FERD3L: variants seen among roughly 807,000 people sequenced by gnomAD.
The protein encoded by FERD3L is Fer3 like bHLH transcription factor.
A neutral mutation model predicts 7.5 loss-of-function variants in FERD3L; 7 were observed. That is an observed-to-expected ratio of 0.94 (90% CI 0.53 to 1.76). The LOEUF (loss-of-function observed/expected upper bound fraction) is 1.76, where lower values mean the gene tolerates loss of function less well. FERD3L is among the 40% of genes most tolerant of loss of function. The pLI is 0.00. For synonymous variants in FERD3L, 122 were observed against 94.4 expected (o/e 1.29, Z -1.70); for missense variants, 264 against 220.9 (o/e 1.20, Z -1.24).
Position 19,145,284 on chromosome 7 carries a change from G to C in FERD3L, c.79C>G (p.Arg27Gly), listed in dbSNP as rs752444969. ...GGTGCGAAGTCGCAGAGGAGAGGGC[G>C]TCTCGGGGAGGCCAGGGACAGGTCT... ...VADLSLASPR[R>G]PLLCDFAPGV... is the part of the protein sequence containing the mutation. Residue 27 changes from arginine (R) to glycine (G), a missense_variant, in exon 1 of 1, where the codon CGC becomes GGC. By Grantham distance (125) the Arg-to-Gly change is moderately radical. Transcript: ENST00000275461. 1.1e-5 allele frequency: 18 copies of C among 1,613,220 alleles called. No individual in the cohort carries two copies. The highest frequency in any genetic ancestry group is 1.4e-5 in the Non-Finnish European group (17 of 1,179,978).
chr7:19,144,865 G>C lies in FERD3L; in HGVS notation c.498C>G (p.Gly166=). ...LLESCEKKES[G] ...GGGCAGACTCTCCACACCAGGCTCA[G>C]CCGCTTTCCTTCTTCTCACAGCTCT... The change falls in exon 1 of 1, where the codon GGC becomes GGG. Residue 166 remains glycine (G), a synonymous_variant. Coordinates refer to ENST00000275461, the MANE Select transcript of FERD3L (RefSeq NM_152898.2). 6.2e-7 allele frequency: 1 copy of C among 1,613,646 alleles called. No individual in the cohort carries two copies. Among genetic ancestry groups the C allele is most frequent in the Non-Finnish European group, 8.5e-7 (1 of 1,179,594 alleles).
chr7:19,145,002 A>AG lies in FERD3L; in HGVS notation c.360dup (p.Phe121LeufsTer2), dbSNP rs778056019. 3.7e-6 allele frequency: 6 copies of AG among 1,614,206 alleles called. No individual in the cohort carries two copies. Among genetic ancestry groups the AG allele is most frequent in the Non-Finnish European group, 5.1e-6 (6 of 1,180,036 alleles). The stretch of plus-strand genomic sequence containing the variant: ...GGCACCTTCCTCCGCAGCTGGTCAA[A>AG]GGCCTCGTTGAGGTTGAACATCCGC... On this transcript the variant is annotated frameshift_variant, in exon 1 of 1. Transcript: ENST00000275461. LOFTEE classifies it high-confidence loss of function.
In FERD3L at chr7:19,145,082, C is replaced by G. The variant is rs759433149; in HGVS notation, c.281G>C (p.Arg94Thr). 6.2e-7 allele frequency: 1 copy of G among 1,614,064 alleles called. No homozygotes were observed. The highest frequency in any genetic ancestry group is 8.5e-7 in the Non-Finnish European group (1 of 1,179,988). The change falls in exon 1 of 1, where the codon AGG becomes ACG. Residue 94 changes from arginine to threonine, a missense_variant. Transcript: ENST00000275461. ...RGVSLLGRPK[R>T]KRVITYAQRQ... The stretch of plus-strand genomic sequence containing the variant: ...CTGGGCGTAGGTGATCACCCTTTTC[C>G]TCTTGGGGCGGCCTAATAGGGAGAC...
At position 19,145,197 on chromosome 7, in the gene FERD3L, G is replaced by T; in HGVS notation, c.166C>A (p.Arg56=). Residue 56 remains arginine, a synonymous_variant, in exon 1 of 1, where the codon CGG becomes AGG. Transcript: ENST00000275461. ...LREGRPRRMA[R]FEEGDPEEEE... is the part of the protein sequence containing the mutation. ...TCTTCTGGGTCCCCCTCTTCAAACC[G>T]CGCCATCCTCCTGGGTCTTCCCTCT... 1.2e-6 allele frequency: 2 copies of T among 1,613,844 alleles called. No individual in the cohort carries two copies. The highest frequency in any genetic ancestry group is 4.5e-5 in the East Asian group (2 of 44,824).
chr7:19,144,969 C>T lies in FERD3L; in HGVS notation c.394G>A (p.Ala132Thr). Residue 132 changes from alanine to threonine, a missense_variant, in exon 1 of 1, where the codon GCT becomes ACT. Transcript: ENST00000275461. ...ATCCGGGACAGCCTTTTCTCGTAAG[C>T]AAACGTGGGCACCTTCCTCCGCAGC... ...DQLRRKVPTF[A>T]YEKRLSRIET... 6.2e-7 allele frequency: 1 copy of T among 1,614,188 alleles called. No homozygotes were observed. The highest frequency in any genetic ancestry group is 1.1e-5 in the South Asian group (1 of 91,082).
In FERD3L at chr7:19,144,817, C is replaced by A. The variant is rs1422588567; in HGVS notation, c.*45G>T. On this transcript the variant is annotated 3_prime_UTR_variant, in exon 1 of 1. Coordinates refer to ENST00000275461, the MANE Select transcript of FERD3L (RefSeq NM_152898.2). Reference sequence around the variant, plus strand: ...TCACCCAGTGCCCGGTCCTGACACACCCCAGCACTACCAGACGAGGAAGGG... The same window carrying A: ...TCACCCAGTGCCCGGTCCTGACACAACCCAGCACTACCAGACGAGGAAGGG... 1.9e-6 allele frequency: 3 copies of A among 1,596,478 alleles called. No individual in the cohort carries two copies. Among genetic ancestry groups the A allele is most frequent in the Non-Finnish European group, 2.6e-6 (3 of 1,169,468 alleles).
At position 19,145,185 on chromosome 7, in the gene FERD3L, C is replaced by G. The variant is rs865802256; in HGVS notation, c.178G>C (p.Gly60Arg). 2 of 1,613,856 alleles carry G rather than the reference C, an allele frequency of 1.2e-6. No homozygotes were observed. The highest frequency in any genetic ancestry group is 1.6e-4 in the Middle Eastern group (1 of 6,082). The change falls in exon 1 of 1, where the codon GGG (glycine) becomes CGG (arginine). Residue 60 changes from glycine to arginine, a missense_variant. By Grantham distance (125) the Gly-to-Arg change is moderately radical. Coordinates refer to ENST00000275461, the MANE Select transcript of FERD3L (RefSeq NM_152898.2). ...RPRRMARFEE[G>R]DPEEEECEVD... ...TCGCACTCCTCTTCTTCTGGGTCCC[C>G]CTCTTCAAACCGCGCCATCCTCCTG... is the stretch of plus-strand genomic sequence containing the variant.
chr7:19,145,054 G>C lies in FERD3L; in HGVS notation c.309C>G (p.Arg103=), dbSNP rs1274249352. The stretch of plus-strand genomic sequence containing the variant: ...TCCTTTCGCGGATGTTGGCGGCCTG[G>C]CGCTGGGCGTAGGTGATCACCCTTT... ...KRKRVITYAQ[R]QAANIRERKR... is the part of the protein sequence containing the mutation. The change falls in exon 1 of 1, where the codon CGC becomes CGG. Residue 103 remains arginine (R), a synonymous_variant. Transcript: ENST00000275461. The C allele has an allele frequency of 6.2e-7, 1 of 1,614,036 alleles. No homozygotes were observed. The highest frequency in any genetic ancestry group is 8.5e-7 in the Non-Finnish European group (1 of 1,180,028).
Position 19,145,017 on chromosome 7 carries a change from T to C in FERD3L, c.346A>G (p.Asn116Asp). 1 of 1,614,208 alleles carries C rather than the reference T, an allele frequency of 6.2e-7. No individual in the cohort carries two copies. Among genetic ancestry groups the C allele is most frequent in the Non-Finnish European group, 8.5e-7 (1 of 1,180,032 alleles). Residue 116 changes from asparagine to aspartate, a missense_variant, in exon 1 of 1, where the codon AAC becomes GAC. Coordinates refer to ENST00000275461, the MANE Select transcript of FERD3L (RefSeq NM_152898.2). ...AGCTGGTCAAAGGCCTCGTTGAGGT[T>C]GAACATCCGCTTCCTTTCGCGGATG... ...ANIRERKRMF[N>D]LNEAFDQLRR...
In FERD3L at chr7:19,145,288, C is replaced by T. The variant is rs987224231; in HGVS notation, c.75G>A (p.Pro25=). Residue 25 remains proline, a synonymous_variant, in exon 1 of 1, where the codon CCG becomes CCA. Coordinates refer to ENST00000275461, the MANE Select transcript of FERD3L (RefSeq NM_152898.2). The part of the protein sequence containing the change: ...DFVADLSLAS[P]RRPLLCDFAP... ...CGAAGTCGCAGAGGAGAGGGCGTCT[C>T]GGGGAGGCCAGGGACAGGTCTGCGA... 2.5e-6 allele frequency: 4 copies of T among 1,613,108 alleles called. No individual in the cohort carries two copies. Among genetic ancestry groups the T allele is most frequent in the South Asian group, 2.2e-5 (2 of 91,072 alleles).
chr7:19,145,119 G>GCTC lies in FERD3L; in HGVS notation c.241_243dup (p.Glu81dup), dbSNP rs1554444808. On this transcript the variant is annotated inframe_insertion, in exon 1 of 1. Coordinates refer to ENST00000275461, the MANE Select transcript of FERD3L (RefSeq NM_152898.2). ...CCTAATAGGGAGACACCTCTTCCGC[G>GCTC]CTCCTCTTCCTCCTCCTCTTCTCCG... is the stretch of plus-strand genomic sequence containing the variant. 2 of 1,594,956 alleles carry GCTC rather than the reference G, an allele frequency of 1.3e-6. No individual in the cohort carries two copies. Among genetic ancestry groups the GCTC allele is most frequent in the East Asian group, 2.3e-5 (1 of 44,350 alleles).
chr7:19,145,372 T>C lies in FERD3L; in HGVS notation c.-10A>G. ...CCGGATAGGCCGCCATCGCTTCGGC[T>C]TGGCCCTGCCTCTCATCGGTTTTCC... On this transcript the variant is annotated 5_prime_UTR_variant, in exon 1 of 1. Coordinates refer to ENST00000275461, the MANE Select transcript of FERD3L (RefSeq NM_152898.2). 1.3e-6 allele frequency: 2 copies of C among 1,571,828 alleles called. No homozygotes were observed. The highest frequency in any genetic ancestry group is 1.7e-6 in the Non-Finnish European group (2 of 1,155,712).
Position 19,145,257 on chromosome 7 carries a change from C to A in FERD3L, c.106G>T (p.Gly36Trp), listed in dbSNP as rs775679607. 2 of 1,613,852 alleles carry A rather than the reference C, an allele frequency of 1.2e-6. No individual in the cohort carries two copies. The highest frequency in any genetic ancestry group is 2.7e-5 in the African/African-American group (2 of 74,926). ...RRPLLCDFAP[G>W]VSLGDPALAL... ...AGGGCTGGGTCCCCCAAGGAGACCCCGGGTGCGAAGTCGCAGAGGAGAGGG... is the reference window on the plus strand; with the variant it reads ...AGGGCTGGGTCCCCCAAGGAGACCCAGGGTGCGAAGTCGCAGAGGAGAGGG... The change falls in exon 1 of 1, where the codon GGG becomes TGG. Residue 36 changes from glycine to tryptophan, a missense_variant. Transcript: ENST00000275461.
rs1788963864 is a variant in FERD3L at position 19,145,268 on chromosome 7, T to C, written c.95A>G (p.Asp32Gly). The C allele has an allele frequency of 1.2e-6, 2 of 1,613,726 alleles. No individual in the cohort carries two copies. The highest frequency in any genetic ancestry group is 4.5e-5 in the East Asian group (2 of 44,852). ...LASPRRPLLC[D>G]FAPGVSLGDP... ...CCCCAAGGAGACCCCGGGTGCGAAG[T>C]CGCAGAGGAGAGGGCGTCTCGGGGA... Residue 32 changes from aspartate (D) to glycine (G), a missense_variant, in exon 1 of 1, where the codon GAC becomes GGC. By Grantham distance (94) the Asp-to-Gly change is moderately conservative. Coordinates refer to ENST00000275461, the MANE Select transcript of FERD3L (RefSeq NM_152898.2).
At position 19,144,795 on chromosome 7, in the gene FERD3L, CCCAGTGCCCGGTCCTGA is replaced by C; in HGVS notation, c.*50_*66del. 6.4e-7 allele frequency: 1 copy of C among 1,566,676 alleles called. No homozygotes were observed. Among genetic ancestry groups the C allele is most frequent in the Non-Finnish European group, 8.7e-7 (1 of 1,154,516 alleles). Reference sequence around the variant, plus strand: ...CCTCCCTCCCGGCCCTTTAGCCTCACCCAGTGCCCGGTCCTGACACACCCCAGCACTACCAGACGAGG... The same window carrying C: ...CCTCCCTCCCGGCCCTTTAGCCTCACCACACCCCAGCACTACCAGACGAGG... On this transcript the variant is annotated 3_prime_UTR_variant, in exon 1 of 1. Coordinates refer to ENST00000275461, the MANE Select transcript of FERD3L (RefSeq NM_152898.2).
chr7:19,144,783 C>G lies in FERD3L; in HGVS notation c.*79G>C. On this transcript the variant is annotated 3_prime_UTR_variant, in exon 1 of 1. Coordinates refer to ENST00000275461, the MANE Select transcript of FERD3L (RefSeq NM_152898.2). ...TCTGTCTTGGGGCCTCCCTCCCGGC[C>G]CTTTAGCCTCACCCAGTGCCCGGTC... 6.5e-7 allele frequency: 1 copy of G among 1,547,036 alleles called. No individual in the cohort carries two copies. Among genetic ancestry groups the G allele is most frequent in the South Asian group, 1.3e-5 (1 of 78,820 alleles).
At position 19,145,391 on chromosome 7, in the gene FERD3L, G is replaced by C. The variant is rs1347271071; in HGVS notation, c.-29C>G. On this transcript the variant is annotated 5_prime_UTR_variant, in exon 1 of 1. Transcript: ENST00000275461. ...TTCGGCTTGGCCCTGCCTCTCATCG[G>C]TTTTCCGCAGGGAGGGGCGAGGTTG... is the stretch of plus-strand genomic sequence containing the variant. The C allele has an allele frequency of 6.5e-7, 1 of 1,550,182 alleles. No individual in the cohort carries two copies. Among genetic ancestry groups the C allele is most frequent in the Non-Finnish European group, 8.7e-7 (1 of 1,147,222 alleles).
chr7:19,145,094 C>A lies in FERD3L; in HGVS notation c.269G>T (p.Gly90Val). 6.2e-7 allele frequency: 1 copy of A among 1,613,724 alleles called. No homozygotes were observed. The highest frequency in any genetic ancestry group is 8.5e-7 in the Non-Finnish European group (1 of 1,179,820). Residue 90 changes from glycine to valine, a missense_variant, in exon 1 of 1, where the codon GGC (glycine) becomes GTC (valine). By Grantham distance (109) the Gly-to-Val change is moderately radical (BLOSUM62 -3). Transcript: ENST00000275461. Reference sequence around the variant, plus strand: ...GATCACCCTTTTCCTCTTGGGGCGGCCTAATAGGGAGACACCTCTTCCGCG... The same window carrying A: ...GATCACCCTTTTCCTCTTGGGGCGGACTAATAGGGAGACACCTCTTCCGCG... ...EERGRGVSLL[G>V]RPKRKRVITY...
Position 19,145,308 on chromosome 7 carries a change from C to T in FERD3L, c.55G>A (p.Asp19Asn). 6.2e-7 allele frequency: 1 copy of T among 1,611,218 alleles called. No homozygotes were observed. Among genetic ancestry groups the T allele is most frequent in the Non-Finnish European group, 8.5e-7 (1 of 1,179,476 alleles). ...VDTTVLDFVA[D>N]LSLASPRRPL... ...CGTCTCGGGGAGGCCAGGGACAGGT[C>T]TGCGACGAAGTCCAGCACCGTAGTG... The change falls in exon 1 of 1, where the codon GAC becomes AAC. Residue 19 changes from aspartate to asparagine, a missense_variant. Coordinates refer to ENST00000275461, the MANE Select transcript of FERD3L (RefSeq NM_152898.2).
Sources: gnomAD v4.1 joint callset for allele counts on GRCh38, gnomAD v4.1.1 for gene constraint, MANE v1.5 for transcripts, NCBI Gene and HGNC (gene_info 2026-07-23, HGNC 2026-07-21) for gene names.